The following WDFY4 variants were observed in gnomAD, a reference collection of about 807,000 sequenced individuals.
WDFY4 encodes WD repeat- and FYVE domain-containing protein 4.
WDFY4 carries 169 observed loss-of-function variants against 351.9 expected under a neutral mutation model. The observed-to-expected ratio is 0.48, with a 90% CI of 0.42 to 0.55. The LOEUF (loss-of-function observed/expected upper bound fraction) is 0.55. Among genes scored for constraint, WDFY4 ranks in the 20% least tolerant of loss-of-function variants. The pLI, the probability that WDFY4 is intolerant of heterozygous loss-of-function variation, is 0.00. For missense variants in WDFY4, 3,803 were observed against 3,935.6 expected (o/e 0.97, Z 0.90); for synonymous variants, 1,622 against 1,574.6 (o/e 1.03, Z -0.71).
At chr10:48,974,114 G>T (rs566893352) in intron 57 of WDFY4, among the ~76,000 whole-genome samples, 1 of 152,260 alleles carries the variant, frequency 6.6e-6, no homozygotes, top group Admixed American at 6.5e-5. Flanking sequence ...ATTTGGAGTG[G>T]AACCCAAGAA....
Position 48,791,052 on chromosome 10 carries a change from G to A in WDFY4, c.4257+135G>A, listed in dbSNP as rs183817946. The stretch of plus-strand genomic sequence containing the variant: ...AGAGAAGGGCAGCCGAAAGCCCTTG[G>A]GTTCTGAGACCAGCAACTTCGCAGC... On this transcript the variant is annotated intron_variant, in intron 23 of 61. Coordinates refer to ENST00000325239, the MANE Select transcript of WDFY4 (RefSeq NM_001394531.1). 1.0e-4 allele frequency: 117 copies of A among 1,141,152 alleles called. 1 individual carries two copies. In the African/African-American group the frequency reaches 1.5e-3, roughly 14 times the overall value. The allele number at this position is 1,141,152 out of a possible 1,614,324, so 70.7% of individuals were successfully genotyped here.
intron 39 of WDFY4, among the ~76,000 whole-genome samples, chr10:48,840,856 A>G (rs919331794): frequency 7.9e-5 from 12 of 152,244 alleles, no homozygotes; most frequent in African/African-American, 2.7e-4. Context: ...ATGTAAATGA[A>G]CAAAGCAAAC....
Position 48,969,119 on chromosome 10 carries a change from T to C in WDFY4, c.8640T>C (p.Ile2880=). 1 of 1,551,766 alleles carries C rather than the reference T, an allele frequency of 6.4e-7. No homozygotes were observed. Among genetic ancestry groups the C allele is most frequent in the Non-Finnish European group, 8.7e-7 (1 of 1,146,960 alleles). The change falls in exon 56 of 62, where the codon ATT becomes ATC. Residue 2880 remains isoleucine, a synonymous_variant. Transcript: ENST00000325239. ...CCCCCAAAGGGGCCATTGGCCACAT[T>C]GTCTCTACTGAGAAGACCATTCTGG... is the stretch of plus-strand genomic sequence containing the variant. ...SESPKGAIGH[I]VSTEKTILAV...
chr10:48,928,353 C>CGTGTGTGTGTGTGTGTGTGT (rs3081490), intron 47 of WDFY4, among the ~76,000 whole-genome samples: 11 of 124,962 alleles, frequency 8.8e-5, no homozygotes, highest in Admixed American at 3.3e-4. Flanking sequence ...TTGGTTTTGA[C>CGTGTGTGTGTGTGTGTGTGT]GTGTGTGTGT....
chr10:48,754,230 G>GTTTTTTTTTTTTTTTTTT, intron 12 of WDFY4, among the ~76,000 whole-genome samples: 1 of 140,986 alleles, frequency 7.1e-6, no homozygotes, highest in Non-Finnish European at 1.5e-5. Context: ...ATATTGGTAG[G>GTTTTTTTTTTTTTTTTTT]TTTTTTTTTT....
At chr10:48,783,409 T>C (rs2066291428) in intron 19 of WDFY4, among the ~76,000 whole-genome samples, 1 of 152,042 alleles carries the variant, frequency 6.6e-6, no homozygotes, top group Non-Finnish European at 1.5e-5. Context: ...CCAAAGTTGA[T>C]TGAATCCAAG....
chr10:48,892,640 T>C (rs1217779555), intron 44 of WDFY4, among the ~76,000 whole-genome samples: 1 of 152,154 alleles, frequency 6.6e-6, no homozygotes, highest in Non-Finnish European at 1.5e-5. Context: ...ATTTTGACCA[T>C]GGAGATTAAA....
intron 28 of WDFY4, 51 bp downstream of exon 28, chr10:48,808,009 T>C: frequency 7.0e-7 from 1 of 1,418,860 alleles, no homozygotes. Flanking sequence ...TCATACAGGG[T>C]GTGGCATTAA....
At chr10:48,868,329 G>T (rs1053595732) in intron 40 of WDFY4, among the ~76,000 whole-genome samples, 6 of 152,186 alleles carry the variant, frequency 3.9e-5, no homozygotes, top group African/African-American at 1.4e-4. Context: ...TGAGAAACGA[G>T]GTTTGGTGTG....
intron 52 of WDFY4, among the ~76,000 whole-genome samples, chr10:48,958,123 C>T (rs771482986): frequency 1.3e-5 from 2 of 152,162 alleles, no homozygotes; most frequent in Non-Finnish European, 2.9e-5. Context: ...CAGATGCAGC[C>T]CCTGTAGGGG....
At chr10:48,901,634 G>C (rs753026173) in intron 46 of WDFY4, among the ~76,000 whole-genome samples, 167 bp from the exon 47 acceptor site, 1 of 152,204 alleles carries the variant, frequency 6.6e-6, no homozygotes, top group African/African-American at 2.4e-5. Flanking sequence ...AGTGCTGAGG[G>C]TTGCCTCAGA....
At position 48,826,885 on chromosome 10, in the gene WDFY4, G is replaced by T. The variant is rs1404544384; in HGVS notation, c.6197G>T (p.Cys2066Phe). 1 of 1,551,654 alleles carries T rather than the reference G, an allele frequency of 6.4e-7. No homozygotes were observed. Residue 2066 changes from cysteine (C) to phenylalanine (F), a missense_variant, in exon 36 of 62, where the codon TGC (cysteine) becomes TTC (phenylalanine). Physicochemically the swap from Cys to Phe is radical, Grantham distance 205 (BLOSUM62 -2). Around this residue, in one of 3 missense-constraint regions of WDFY4, gnomAD observed 3,054 missense variants for 3,148.6 expected, o/e 0.97. Transcript: ENST00000325239. The part of the protein sequence containing the change: ...NISFLLCLMH[C>F]LLLLNERSYP... ...AGCTTCCTCCTGTGTCTCATGCATT[G>T]CCTTTTGCTACTCAATGAGAGAAGG...
chr10:48,858,129 A>G (rs2069204205), intron 39 of WDFY4, among the ~76,000 whole-genome samples: 1 of 152,116 alleles, frequency 6.6e-6, no homozygotes, highest in South Asian at 2.1e-4. Context: ...CATATATTTT[A>G]GATGTTAATC....
At chr10:48,781,276 A>ATGTG (rs762936272) in intron 19 of WDFY4, among the ~76,000 whole-genome samples, 11 of 149,026 alleles carry the variant, frequency 7.4e-5, no homozygotes, top group Admixed American at 2.0e-4. Flanking sequence ...GTATATATAT[A>ATGTG]TATGTGTGTG....
At chr10:48,685,419 G>T (rs994081443) in intron 1 of WDFY4, among the ~76,000 whole-genome samples, 5 of 152,174 alleles carry the variant, frequency 3.3e-5, no homozygotes, top group African/African-American at 1.2e-4. Context: ...AGTGAGGCTC[G>T]CCCTCCAAGC....
rs553099544 is a variant in WDFY4, at chr10:48,847,937, A to G, written c.6663+15228A>G. Among the ~76,000 whole-genome samples the G allele has an allele frequency of 3.3e-5, 5 of 152,230 alleles. No individual in the cohort carries two copies. In the South Asian group the frequency reaches 1.0e-3, roughly 32 times the overall value. On this transcript the variant is annotated intron_variant, in intron 39 of 61. Coordinates refer to ENST00000325239, the MANE Select transcript of WDFY4 (RefSeq NM_001394531.1). Reference sequence around the variant, plus strand: ...CACTGTGGTGGTCTGGTCCCTCTTCACCCGCTCGGAGCGCCAGTTGTTTGT... The same window carrying G: ...CACTGTGGTGGTCTGGTCCCTCTTCGCCCGCTCGGAGCGCCAGTTGTTTGT...
intron 19 of WDFY4, among the ~76,000 whole-genome samples, chr10:48,781,417 C>A (rs564577732): frequency 6.6e-6 from 1 of 152,122 alleles, no homozygotes; most frequent in Non-Finnish European, 1.5e-5. Flanking sequence ...CTTTCTCAAC[C>A]TCCTGACTAG....
intron 39 of WDFY4, among the ~76,000 whole-genome samples, chr10:48,856,538 G>T (rs2069140122): frequency 1.3e-5 from 2 of 152,142 alleles, no homozygotes; most frequent in South Asian, 4.2e-4. Flanking sequence ...GTAAGTGCAG[G>T]TTTGTTACAT....
chr10:48,698,236 A>G (rs960892428), intron 1 of WDFY4, among the ~76,000 whole-genome samples: 17 of 152,102 alleles, frequency 1.1e-4, no homozygotes, highest in African/African-American at 3.6e-4. Context: ...CCAGGTTCCA[A>G]TTTTGCCTGC....
Sources: allele counts gnomAD v4.1 joint callset (sites outside exome capture counted in the v4.1 genomes callset), GRCh38; gene constraint gnomAD v4.1.1; regional missense constraint gnomAD v4.1.1; transcripts MANE v1.5; gene names NCBI Gene and HGNC (gene_info 2026-07-23, HGNC 2026-07-21).